SPATA16: variants seen among roughly 807,000 people sequenced by gnomAD.
SPATA16 encodes the protein spermatogenesis-associated protein 16.
A neutral mutation model predicts 63.3 loss-of-function variants in SPATA16; 36 were observed. The ratio of observed to expected loss-of-function variants is 0.57; its 90% CI spans 0.44 to 0.75. The LOEUF (loss-of-function observed/expected upper bound fraction) is 0.75, where lower values mean the gene tolerates loss of function less well. Among genes scored for constraint, SPATA16 ranks in the 30% least tolerant of loss-of-function variants. The pLI is 0.00. For synonymous variants in SPATA16, 203 were observed against 216.7 expected (o/e 0.94, Z 0.56); for missense variants, 646 against 679.3 (o/e 0.95, Z 0.54).
At chr3:173,138,882 G>A (rs1411768446) in intron 1 of SPATA16, among the ~76,000 whole-genome samples, 1 of 152,162 alleles carries the variant, frequency 6.6e-6, no homozygotes, top group Admixed American at 6.5e-5. Flanking sequence ...CAGAATAGAT[G>A]TACATAGGTG....
At chr3:173,021,444 G>A (rs116250360) in intron 3 of SPATA16, among the ~76,000 whole-genome samples, 123 of 152,262 alleles carry the variant, frequency 8.1e-4, no homozygotes, top group African/African-American at 2.9e-3. Flanking sequence ...CAGATCGTTT[G>A]CTTTGGTGTG....
At chr3:173,114,521 C>T (rs1737841243) in intron 2 of SPATA16, among the ~76,000 whole-genome samples, 1 of 152,142 alleles carries the variant, frequency 6.6e-6, no homozygotes, top group South Asian at 2.1e-4. Flanking sequence ...GAAGTCAAGG[C>T]CACTTCTTAG....
At chr3:173,061,089 A>G (rs1249099819) in intron 2 of SPATA16, among the ~76,000 whole-genome samples, 1 of 152,198 alleles carries the variant, frequency 6.6e-6, no homozygotes, top group East Asian at 1.9e-4. Context: ...AGAATCCCAG[A>G]CTTCAGTCAC....
At chr3:172,924,008 A>G (rs951626826) in intron 8 of SPATA16, among the ~76,000 whole-genome samples, 200 bp downstream of exon 8, 37 of 152,312 alleles carry the variant, frequency 2.4e-4, no homozygotes, top group African/African-American at 8.7e-4. Context: ...TTGAAATTGC[A>G]AAGTGTAGCA....
At chr3:172,927,448 A>G (rs1732764702) in intron 6 of SPATA16, among the ~76,000 whole-genome samples, 1 of 152,220 alleles carries the variant, frequency 6.6e-6, no homozygotes, top group Non-Finnish European at 1.5e-5. Flanking sequence ...AATCCCAAAC[A>G]TATGTTAGTT....
intron 1 of SPATA16, among the ~76,000 whole-genome samples, chr3:173,119,105 T>C (rs546136631): frequency 1.1e-3 from 168 of 151,412 alleles, no homozygotes; most frequent in African/African-American, 3.9e-3. Context: ...AATTGAACAA[T>C]GAGAACACAT....
intron 4 of SPATA16, among the ~76,000 whole-genome samples, chr3:173,013,734 C>T (rs1735122209): frequency 6.6e-6 from 1 of 152,178 alleles, no homozygotes; most frequent in Non-Finnish European, 1.5e-5. Context: ...GTAACTCAGG[C>T]CTGCTCAGAG....
chr3:173,052,734 T>C (rs1011930276), intron 2 of SPATA16, among the ~76,000 whole-genome samples: 6 of 152,196 alleles, frequency 3.9e-5, no homozygotes, highest in Non-Finnish European at 8.8e-5. Context: ...AAACTTAATG[T>C]GGTGTGAATT....
intron 6 of SPATA16, among the ~76,000 whole-genome samples, chr3:172,939,010 T>G (rs1442434900): frequency 1.3e-5 from 2 of 152,182 alleles, no homozygotes; most frequent in African/African-American, 2.4e-5. Flanking sequence ...AAAAGAAAGC[T>G]TCTATTTGTT....
intron 2 of SPATA16, among the ~76,000 whole-genome samples, chr3:173,112,314 C>T (rs905944363): frequency 6.6e-5 from 10 of 152,152 alleles, no homozygotes; most frequent in Admixed American, 1.3e-4. Context: ...AATCACAGAG[C>T]GTAGTGCTCC....
chr3:172,951,847 T>C (rs1415903525), intron 6 of SPATA16, among the ~76,000 whole-genome samples: 2 of 152,200 alleles, frequency 1.3e-5, no homozygotes, highest in East Asian at 3.8e-4. Flanking sequence ...GTCTCCAAGT[T>C]TTAATGATAA....
chr3:173,106,132 T>C (rs966465674), intron 2 of SPATA16, among the ~76,000 whole-genome samples: 49 of 152,182 alleles, frequency 3.2e-4, no homozygotes, highest in African/African-American at 1.2e-3. Context: ...AATTAAAAAT[T>C]AGACTTCATC....
chr3:173,028,020 T>C (rs1238290997), intron 3 of SPATA16, among the ~76,000 whole-genome samples: 1,247 of 45,800 alleles, frequency 0.027, 97 homozygotes, highest in African/African-American at 0.11. Context: ...CCTCCCTTCC[T>C]TCTTTCCTTC....
chr3:173,081,522 G>A (rs1009236229), intron 2 of SPATA16, among the ~76,000 whole-genome samples: 2 of 151,998 alleles, frequency 1.3e-5, no homozygotes, highest in Admixed American at 1.3e-4. Flanking sequence ...CCATTGAATC[G>A]TTAAAGAGGA....
chr3:172,915,957 CACTT>C (rs2109565151), intron 9 of SPATA16, among the ~76,000 whole-genome samples: 2 of 152,310 alleles, frequency 1.3e-5, no homozygotes, highest in East Asian at 3.9e-4. Flanking sequence ...TTTGTCCTCT[CACTT>C]TTTCATAAAA....
chr3:173,122,752 T>C (rs1232640293), intron 1 of SPATA16, among the ~76,000 whole-genome samples: 4 of 152,158 alleles, frequency 2.6e-5, no homozygotes, highest in Non-Finnish European at 1.5e-5. Flanking sequence ...GTAGTGCTCA[T>C]AGCTAGGAGT....
At chr3:173,097,065 CAT>C (rs1365101381) in intron 2 of SPATA16, among the ~76,000 whole-genome samples, 2 of 152,098 alleles carry the variant, frequency 1.3e-5, no homozygotes, top group Non-Finnish European at 2.9e-5. Context: ...TAGAAATAAA[CAT>C]TTATAAATTT....
intron 6 of SPATA16, among the ~76,000 whole-genome samples, chr3:172,939,630 A>G (rs1034398737): frequency 2.6e-5 from 4 of 152,238 alleles, no homozygotes; most frequent in African/African-American, 9.6e-5. Context: ...CACTGAAAGA[A>G]TATAGAAATG....
At chr3:172,957,833 C>A (rs1733637352) in intron 5 of SPATA16, among the ~76,000 whole-genome samples, 1 of 152,092 alleles carries the variant, frequency 6.6e-6, no homozygotes, top group Non-Finnish European at 1.5e-5. Context: ...ATAAAAACAA[C>A]AGGGAGTGGA....
Sources: gnomAD v4.1 joint callset for allele counts (sites outside exome capture counted in the v4.1 genomes callset) on GRCh38, gnomAD v4.1.1 for gene constraint, MANE v1.5 for transcripts, NCBI Gene and HGNC (gene_info 2026-07-23, HGNC 2026-07-21) for gene names.